KDM4B: variants seen among roughly 807,000 people sequenced by gnomAD.
KDM4B encodes lysine-specific demethylase 4B.
KDM4B carries 32 observed loss-of-function variants against 125.2 expected under a neutral mutation model. The ratio of observed to expected loss-of-function variants is 0.26; its 90% CI spans 0.19 to 0.34. KDM4B has a LOEUF of 0.34. Ranked by LOEUF, KDM4B falls within the 10% of genes least tolerant of loss-of-function variation. The pLI is 1.00. For missense variants in KDM4B, 1,190 were observed against 1,577.7 expected (o/e 0.75, Z 4.16); for synonymous variants, 721 against 677.9 (o/e 1.06, Z -0.99).
At chr19:4,985,593 G>C (rs2034799605) in intron 1 of KDM4B, among the ~76,000 whole-genome samples, 1 of 152,256 alleles carries the variant, frequency 6.6e-6, no homozygotes, top group Admixed American at 6.5e-5. Flanking sequence ...TGGAGCCCGA[G>C]GGTGGTGAGG....
intron 6 of KDM4B, among the ~76,000 whole-genome samples, chr19:5,059,622 A>G (rs555486940): frequency 3.8e-4 from 58 of 152,214 alleles, no homozygotes; most frequent in Non-Finnish European, 7.1e-4. Context: ...TGTGTGAGAC[A>G]GTTCAACTCC....
intron 1 of KDM4B, among the ~76,000 whole-genome samples, chr19:4,991,934 TACTC>T (rs1480239894): frequency 6.6e-6 from 1 of 152,234 alleles, no homozygotes; most frequent in Non-Finnish European, 1.5e-5. Context: ...TTTCTTTTAT[TACTC>T]AGTAGTTCTC....
chr19:5,138,050 C>T lies in KDM4B; in HGVS notation c.2530C>T (p.Pro844Ser), dbSNP rs779425061. The T allele has an allele frequency of 6.2e-7, 1 of 1,612,398 alleles. No homozygotes were observed. Among genetic ancestry groups the T allele is most frequent in the Admixed American group, 1.7e-5 (1 of 59,978 alleles). The change falls in exon 18 of 23, where the codon CCC (proline) becomes TCC (serine). Residue 844 changes from proline (P) to serine (S), a missense_variant. Pro to Ser is a moderately conservative substitution (Grantham distance 74, BLOSUM62 -1). Around this residue, in one of 7 missense-constraint regions of KDM4B, gnomAD observed 298 missense variants for 439.7 expected, o/e 0.68. Transcript: ENST00000159111. ...ERHPVDISAI[P>S]EQRWKLKCVY... ...CCACCCTGTGGACATCAGCGCCATC[C>T]CCGAGCAGCGGTGGAAGCTGGTAGG... is the stretch of plus-strand genomic sequence containing the variant.
rs1366618790 is a variant in KDM4B, at chr19:5,035,746, C to A, written c.141+2715C>A. ...CCCATGCCTCTGCAGCGGCAGCTCC[C>A]ATGCTGCTTCTCCTTGCACCAGTGC... On this transcript the variant is annotated intron_variant, in intron 3 of 22. Transcript: ENST00000159111. The surrounding 1 kb of genome is among the most constrained non-coding windows in gnomAD (Gnocchi z 5.3). 1.3e-5 allele frequency among the ~76,000 whole-genome samples: 2 copies of A among 152,164 alleles called. No individual in the cohort carries two copies. Among genetic ancestry groups the A allele is most frequent in the Admixed American group, 1.3e-4 (2 of 15,268 alleles).
At position 5,119,730 on chromosome 19, in the gene KDM4B, C is replaced by T; in HGVS notation, c.1193C>T (p.Ala398Val). The T allele has an allele frequency of 6.4e-7, 1 of 1,550,892 alleles. No individual in the cohort carries two copies. ...TTCCCTGGGGAGGGTACGGCTGGGG[C>T]AGCGCTCCTAGAGGAGGCTGGGGGC... Reference protein sequence around the residue: ...PKFPGEGTAGAALLEEAGGSV... With the variant: ...PKFPGEGTAGVALLEEAGGSV... The change falls in exon 11 of 23, where the codon GCA (alanine) becomes GTA (valine). Residue 398 changes from alanine (A) to valine (V), a missense_variant. Ala to Val is a moderately conservative substitution (Grantham distance 64, BLOSUM62 0). Coordinates refer to ENST00000159111, the MANE Select transcript of KDM4B (RefSeq NM_015015.3).
intron 8 of KDM4B, among the ~76,000 whole-genome samples, chr19:5,080,401 A>G (rs1205502147): frequency 6.6e-6 from 1 of 152,228 alleles, no homozygotes; most frequent in African/African-American, 2.4e-5. Flanking sequence ...AAATGGCCCG[A>G]TGAATTCGGC....
chr19:5,132,787 C>T (rs1260908333), intron 13 of KDM4B, among the ~76,000 whole-genome samples: 1 of 152,192 alleles, frequency 6.6e-6, no homozygotes, highest in African/African-American at 2.4e-5. Context: ...ACCATCACGG[C>T]CCCAGAACCC....
intron 9 of KDM4B, among the ~76,000 whole-genome samples, chr19:5,089,320 CT>C (rs890039828): frequency 1.1e-4 from 17 of 152,128 alleles, no homozygotes; most frequent in African/African-American, 4.1e-4. Flanking sequence ...CTCCTGTGGC[CT>C]AGCGGTTCTG....
chr19:5,131,641 GA>G, intron 12 of KDM4B, 96 bp downstream of exon 12: 3 of 575,886 alleles, frequency 5.2e-6, no homozygotes, highest in South Asian at 4.3e-5. Context: ...GGTGGCGGGG[GA>G]GGGGGCAGGG....
chr19:5,074,531 T>C (rs2038041235), intron 7 of KDM4B: 1 of 152,266 alleles, frequency 6.6e-6, no homozygotes, highest in Non-Finnish European at 1.5e-5. Flanking sequence ...TGCGCCTTTG[T>C]TAGAGCTTTA....
chr19:4,993,277 GCGCATGC>G (rs2035085515), intron 1 of KDM4B, among the ~76,000 whole-genome samples: 2 of 152,052 alleles, frequency 1.3e-5, no homozygotes, highest in Non-Finnish European at 2.9e-5. Context: ...GAGTGTGGTG[GCGCATGC>G]CTGTATTCCA....
chr19:5,133,129 C>T (rs2146065673), intron 13 of KDM4B, among the ~76,000 whole-genome samples: 1 of 152,290 alleles, frequency 6.6e-6, no homozygotes, highest in East Asian at 1.9e-4. Flanking sequence ...GGGACAGCAC[C>T]CCTGTGTCCA....
At chr19:5,020,828 G>T (rs556640428) in intron 2 of KDM4B, among the ~76,000 whole-genome samples, 30 of 152,334 alleles carry the variant, frequency 2.0e-4, no homozygotes, top group African/African-American at 7.2e-4. Flanking sequence ...CACACGGATA[G>T]GTGTCAGCTG....
At chr19:5,121,185 C>T (rs577322625) in intron 11 of KDM4B, among the ~76,000 whole-genome samples, 26 of 152,244 alleles carry the variant, frequency 1.7e-4, no homozygotes, top group African/African-American at 6.0e-4. Context: ...TATTGAGGGT[C>T]ACAGTTTGCC....
chr19:5,110,859 C>CG (rs1329825511), intron 10 of KDM4B, 41 bp downstream of exon 10: 14 of 1,487,218 alleles, frequency 9.4e-6, no homozygotes, highest in Admixed American at 8.6e-5. Context: ...CCCAGCATCA[C>CG]GGGGGGTGGC....
intron 2 of KDM4B, among the ~76,000 whole-genome samples, chr19:5,023,264 G>T (rs189210874): frequency 1.3e-5 from 2 of 152,336 alleles, no homozygotes; most frequent in East Asian, 3.9e-4. Context: ...GAACGTTCTC[G>T]TGCCAAGGTT....
intron 1 of KDM4B, among the ~76,000 whole-genome samples, chr19:5,002,236 G>C (rs1034194572): frequency 6.6e-6 from 1 of 152,214 alleles, no homozygotes; most frequent in Non-Finnish European, 1.5e-5. Flanking sequence ...GACCTCAGGT[G>C]ATTCACCGGC....
At chr19:5,138,361 A>G in intron 18 of KDM4B, 1 of 423,862 alleles carries the variant, frequency 2.4e-6, no homozygotes, top group Non-Finnish European at 4.3e-6. Flanking sequence ...CGAGCACCCC[A>G]TGCAGTTTCC....
intron 17 of KDM4B, 36 bp from the exon 18 acceptor site, chr19:5,137,926 G>C: frequency 6.5e-7 from 1 of 1,548,990 alleles, no homozygotes; most frequent in Non-Finnish European, 8.8e-7. Flanking sequence ...CAGGTCCTCA[G>C]AGGCGCACCT....
Sources: allele counts gnomAD v4.1 joint callset (sites outside exome capture counted in the v4.1 genomes callset), GRCh38; gene constraint gnomAD v4.1.1; regional missense constraint gnomAD v4.1.1; non-coding constraint Gnocchi (gnomAD v3.1); transcripts MANE v1.5; gene names NCBI Gene and HGNC (gene_info 2026-07-23, HGNC 2026-07-21).